SVEP1: variants seen among roughly 807,000 people sequenced by gnomAD.
SVEP1 encodes sushi, von Willebrand factor type A, EGF and pentraxin domain-containing protein 1.
A neutral mutation model predicts 367.3 loss-of-function variants in SVEP1; 164 were observed. The observed-to-expected ratio is 0.45, with a 90% CI of 0.39 to 0.51. SVEP1 has a LOEUF of 0.51. Among genes scored for constraint, SVEP1 ranks in the 20% least tolerant of loss-of-function variants. The probability of loss-of-function intolerance (pLI) is 0.00; values close to 1 mark genes in which losing one functional copy is unlikely to be tolerated. For missense variants in SVEP1, 4,117 were observed against 4,425.3 expected, an observed-to-expected ratio of 0.93 and a Z score of 1.98; for synonymous variants, 1,666 against 1,611.6, an observed-to-expected ratio of 1.03 and a Z score of -0.81.
intron 24 of SVEP1, among the ~76,000 whole-genome samples, chr9:110,448,150 CGCGTGTGTGT>C (rs1339216726): frequency 1.1e-4 from 7 of 64,052 alleles, no homozygotes; most frequent in South Asian, 4.8e-4. Context: ...TGTGTGTGTG[CGCGTGTGTGT>C]GTGCGCGCGC....
intron 5 of SVEP1, among the ~76,000 whole-genome samples, chr9:110,508,567 C>T (rs1005853375): frequency 2.0e-5 from 3 of 151,910 alleles, no homozygotes; most frequent in Non-Finnish European, 2.9e-5. Flanking sequence ...TGAGACCATC[C>T]TGGCGAACAT....
Position 110,375,417 on chromosome 9 carries a change from A to T in SVEP1, c.10551T>A (p.Pro3517=). The T allele has an allele frequency of 6.9e-7, 1 of 1,457,234 alleles. No individual in the cohort carries two copies. The highest frequency in any genetic ancestry group is 9.2e-7 in the Non-Finnish European group (1 of 1,087,040). The allele number at this position is 1,457,234 out of a possible 1,614,324, so 90.3% of individuals were successfully genotyped here. ...PCLNGGRCVA[P]YQCDCPPGWT... is the part of the protein sequence containing the mutation. ...AGCCAGGCGGGCAGTCACACTGGTA[A>T]GGGGCCACACAGCGACCTCCGTTCA... is the stretch of plus-strand genomic sequence containing the variant. Residue 3517 remains proline (P), a synonymous_variant, in exon 46 of 48, where the codon CCT becomes CCA. Coordinates refer to ENST00000374469, the MANE Select transcript of SVEP1 (RefSeq NM_153366.4).
At chr9:110,496,780 T>G in intron 8 of SVEP1, 35 bp downstream of exon 8, 16 of 1,451,966 alleles carry the variant, frequency 1.1e-5, no homozygotes, top group Non-Finnish European at 1.5e-5. Flanking sequence ...TTAGAATTCA[T>G]TTGAAAAGGA....
At chr9:110,522,204 G>T (rs1256373662) in intron 3 of SVEP1, among the ~76,000 whole-genome samples, 1 of 152,162 alleles carries the variant, frequency 6.6e-6, no homozygotes, top group African/African-American at 2.4e-5. Flanking sequence ...CTTGAACCTA[G>T]ATTAGATCCA....
chr9:110,515,010 A>G (rs1404646925), intron 3 of SVEP1, among the ~76,000 whole-genome samples: 1 of 152,158 alleles, frequency 6.6e-6, no homozygotes, highest in Non-Finnish European at 1.5e-5. Flanking sequence ...AATTAAAGAC[A>G]CTGCTTTTCC....
At chr9:110,478,750 A>G (rs1304299737) in intron 13 of SVEP1, among the ~76,000 whole-genome samples, 3 of 152,194 alleles carry the variant, frequency 2.0e-5, no homozygotes, top group Admixed American at 6.5e-5. Context: ...ATTCGTTAAT[A>G]TGTTAGGTGT....
chr9:110,440,456 C>G (rs180781751), intron 27 of SVEP1, among the ~76,000 whole-genome samples: 2 of 152,130 alleles, frequency 1.3e-5, no homozygotes, highest in South Asian at 4.2e-4. Context: ...AATGTGCTGT[C>G]GACAATACCA....
rs1355694521 is a variant in SVEP1, at chr9:110,429,343, G to C, written c.5616-9C>G. 6.7e-7 allele frequency: 1 copy of C among 1,500,950 alleles called. No homozygotes were observed. The highest frequency in any genetic ancestry group is 2.4e-5 in the Admixed American group (1 of 41,118). The allele number at this position is 1,500,950 out of a possible 1,614,324, so 93.0% of individuals were successfully genotyped here. A position where few individuals can be genotyped will look rare whatever the true frequency, so the allele number is the denominator to read the frequency against. ...TATATCCTTTATTACACCTAAAGAA[G>C]ATAGAGGAAAATTACAGGATATAAT... On this transcript the variant is annotated splice_polypyrimidine_tract_variant and intron_variant, in intron 34 of 47. Coordinates refer to ENST00000374469, the MANE Select transcript of SVEP1 (RefSeq NM_153366.4).
chr9:110,537,125 G>A (rs534550938), intron 3 of SVEP1, among the ~76,000 whole-genome samples: 1 of 152,014 alleles, frequency 6.6e-6, no homozygotes, highest in Admixed American at 6.6e-5. Context: ...GATAACCGAT[G>A]TTATTTTTGG....
chr9:110,379,479 T>C lies in SVEP1; in HGVS notation c.10276A>G (p.Ile3426Val), dbSNP rs151055523. The C allele has an allele frequency of 1.5e-5, 24 of 1,613,738 alleles. No homozygotes were observed. The highest frequency in any genetic ancestry group is 4.5e-5 in the East Asian group (2 of 44,856). The change falls in exon 44 of 48, where the codon ATT (isoleucine) becomes GTT (valine). Residue 3426 changes from isoleucine to valine, a missense_variant. Ile to Val is a conservative substitution (Grantham distance 29). This residue lies in a region of SVEP1 where 1,765 missense variants were observed against 1,781.1 expected (regional missense o/e 0.99). Transcript: ENST00000374469. ...CGPPAHVENA[I>V]ARGVHYQYGD... ...TATTGATAATGTACGCCTCGAGCAA[T>C]TGCATTTTCTACGTGAGCTGGTGGA...
chr9:110,483,579 A>G lies in SVEP1; in HGVS notation c.2038+7T>C. ...CTATGCTGACAACAAAGTCCTTGTC[A>G]CCTCACCTGAGTTGTCTGAGAACTG... On this transcript the variant is annotated splice_region_variant and intron_variant, in intron 10 of 47. Transcript: ENST00000374469. 6.2e-7 allele frequency: 1 copy of G among 1,600,402 alleles called. No homozygotes were observed. The highest frequency in any genetic ancestry group is 8.5e-7 in the Non-Finnish European group (1 of 1,174,800).
rs903456834 is a variant in SVEP1, at chr9:110,407,689, T to G, written c.7911A>C (p.Glu2637Asp). ...LKDDQGYFEQEDDMMEVPYVT... is the reference protein window; with the variant it reads ...LKDDQGYFEQDDDMMEVPYVT... Reference sequence around the variant, plus strand: ...CATATGGAACTTCCATCATGTCGTCTTCTTGCTCAAAATATCCCTGGTCAT... The same window carrying G: ...CATATGGAACTTCCATCATGTCGTCGTCTTGCTCAAAATATCCCTGGTCAT... The change falls in exon 38 of 48, where the codon GAA becomes GAC. Residue 2637 changes from glutamate (E) to aspartate (D), a missense_variant. Physicochemically the swap from Glu to Asp is conservative, Grantham distance 45. Transcript: ENST00000374469. The G allele has an allele frequency of 9.3e-6, 15 of 1,613,930 alleles. No individual in the cohort carries two copies. Among genetic ancestry groups the G allele is most frequent in the African/African-American group, 4.0e-5 (3 of 74,944 alleles).
chr9:110,459,374 A>G (rs559321994), intron 18 of SVEP1, among the ~76,000 whole-genome samples: 1 of 152,304 alleles, frequency 6.6e-6, no homozygotes, highest in East Asian at 1.9e-4. Context: ...ACATGGTATC[A>G]TAAGTGTTTC....
At chr9:110,424,075 T>C (rs1207500200) in intron 36 of SVEP1, among the ~76,000 whole-genome samples, 1 of 152,234 alleles carries the variant, frequency 6.6e-6, no homozygotes, top group African/African-American at 2.4e-5. Flanking sequence ...TGGTCACTCC[T>C]GGGAGCATTT....
intron 2 of SVEP1, among the ~76,000 whole-genome samples, chr9:110,549,073 C>T (rs938912642): frequency 6.6e-6 from 1 of 152,138 alleles, no homozygotes; most frequent in African/African-American, 2.4e-5. Context: ...GAATCTTTCA[C>T]ATGGATATCT....
chr9:110,496,162 C>T (rs1430792021), intron 8 of SVEP1, among the ~76,000 whole-genome samples: 1 of 152,164 alleles, frequency 6.6e-6, no homozygotes, highest in African/African-American at 2.4e-5. Flanking sequence ...GAGTAGAGTT[C>T]ATACACAAAG....
intron 5 of SVEP1, among the ~76,000 whole-genome samples, chr9:110,511,180 A>T (rs879611506): frequency 3.3e-5 from 5 of 152,062 alleles, no homozygotes; most frequent in Non-Finnish European, 5.9e-5. Context: ...TCTGTTTTTA[A>T]TATTTTTTTT....
Position 110,406,749 on chromosome 9 carries a change from G to A in SVEP1, c.8851C>T (p.Pro2951Ser). ...AAACCATGGGCAAGATCTTCAGGAG[G>A]TCCACAGTTGACTGGTTTACAGAGA... ...IPLCKPVNCG[P>S]PEDLAHGFPN... Residue 2951 changes from proline to serine, a missense_variant, in exon 38 of 48, where the codon CCT becomes TCT. Physicochemically the swap from Pro to Ser is moderately conservative, Grantham distance 74 (BLOSUM62 -1). Coordinates refer to ENST00000374469, the MANE Select transcript of SVEP1 (RefSeq NM_153366.4). 6.2e-7 allele frequency: 1 copy of A among 1,614,026 alleles called. No homozygotes were observed. Among genetic ancestry groups the A allele is most frequent in the Non-Finnish European group, 8.5e-7 (1 of 1,179,896 alleles).
Position 110,406,246 on chromosome 9 carries a change from C to A in SVEP1, c.9354G>T (p.Glu3118Asp). 2 of 1,613,832 alleles carry A rather than the reference C, an allele frequency of 1.2e-6. No individual in the cohort carries two copies. The highest frequency in any genetic ancestry group is 1.7e-6 in the Non-Finnish European group (2 of 1,179,768). ...GVWSQPYPVC[E>D]PLSCGSPPSV... ...ACGGTGGGGACCCACAGGACAAGGGCTCACAGACTGGATAAGGCTGGCTCC... is the reference window on the plus strand; with the variant it reads ...ACGGTGGGGACCCACAGGACAAGGGATCACAGACTGGATAAGGCTGGCTCC... The change falls in exon 38 of 48, where the codon GAG (glutamate) becomes GAT (aspartate). Residue 3118 changes from glutamate (E) to aspartate (D), a missense_variant. Physicochemically the swap from Glu to Asp is conservative, Grantham distance 45. Transcript: ENST00000374469.
Sources: allele counts gnomAD v4.1 joint callset (sites outside exome capture counted in the v4.1 genomes callset), GRCh38; gene constraint gnomAD v4.1.1; regional missense constraint gnomAD v4.1.1; transcripts MANE v1.5; gene names NCBI Gene and HGNC (gene_info 2026-07-23, HGNC 2026-07-21).